ABCD3: variants seen among roughly 807,000 people sequenced by gnomAD.
The protein encoded by ABCD3 is ATP-binding cassette sub-family D member 3.
Under a neutral mutation model 105.5 loss-of-function variants are expected in ABCD3, and 41 were observed. The observed-to-expected ratio is 0.39, with a 90% CI of 0.30 to 0.50. ABCD3 has a LOEUF of 0.50. ABCD3 is among the 20% of genes least tolerant of loss of function. ABCD3 has a pLI of 0.84. For synonymous variants in ABCD3, 258 were observed against 269.0 expected, an observed-to-expected ratio of 0.96 and a Z score of 0.40; for missense variants, 622 against 806.3, an observed-to-expected ratio of 0.77 and a Z score of 2.77.
intron 20 of ABCD3, among the ~76,000 whole-genome samples, chr1:94,499,843 C>T (rs513976): frequency 0.043 from 6,614 of 152,158 alleles, 544 homozygotes; most frequent in African/African-American, 0.15. Context: ...GCTGCAGATC[C>T]GACTATATAC....
At chr1:94,406,281 C>G in the ABCD3 span, 1 of 163,998 alleles carries the variant, frequency 6.1e-6, no homozygotes, top group South Asian at 1.6e-4. Flanking sequence ...GTCGATCTGT[C>G]TATTCATGTA....
chr1:94,506,924 CATTT>C (rs892240290), intron 21 of ABCD3, among the ~76,000 whole-genome samples: 31 of 151,496 alleles, frequency 2.0e-4, no homozygotes, highest in Admixed American at 5.3e-4. Context: ...AAAGATATCT[CATTT>C]ATATATAAAT....
At position 94,451,279 on chromosome 1, in the gene ABCD3, C is replaced by T. The variant is rs187266132; in HGVS notation, c.111-7328C>T. Among the ~76,000 whole-genome samples the T allele has an allele frequency of 1.8e-3, 267 of 152,192 alleles. 1 individual carries two copies. The highest frequency in any genetic ancestry group is 6.3e-3 in the African/African-American group (260 of 41,524). On this transcript the variant is annotated intron_variant, in intron 1 of 22. Coordinates refer to ENST00000370214, the MANE Select transcript of ABCD3 (RefSeq NM_002858.4). ...TTTGTTTTCTGTAATTTCTGCTGGTCCTTGGTTATGGAGTCTAATTTCCTT... is the reference window on the plus strand; with the variant it reads ...TTTGTTTTCTGTAATTTCTGCTGGTTCTTGGTTATGGAGTCTAATTTCCTT...
Position 94,475,757 on chromosome 1 carries a change from A to T in ABCD3, c.627+20A>T, listed in dbSNP as rs1315798164. 1.9e-6 allele frequency: 3 copies of T among 1,582,418 alleles called. No homozygotes were observed. The highest frequency in any genetic ancestry group is 2.6e-6 in the Non-Finnish European group (3 of 1,153,844). On this transcript the variant is annotated intron_variant, in intron 7 of 22. Coordinates refer to ENST00000370214, the MANE Select transcript of ABCD3 (RefSeq NM_002858.4). ...AGTAAGGTAAGTTTCTCTCCTTTTT[A>T]AAAGATTATTTGTTTAATTTTTTGA...
At chr1:94,392,168 A>T in the ABCD3 span, among the ~76,000 whole-genome samples, 2 of 152,340 alleles carry the variant, frequency 1.3e-5, no homozygotes, top group South Asian at 4.1e-4. Context: ...AGCATATGAT[A>T]GAATTCTTCT....
At chr1:94,474,592 A>G (rs901016956) in intron 5 of ABCD3, among the ~76,000 whole-genome samples, 1 of 152,298 alleles carries the variant, frequency 6.6e-6, no homozygotes, top group Non-Finnish European at 1.5e-5. Context: ...GGAATAAGCA[A>G]CATAGATATC....
intron 4 of ABCD3, among the ~76,000 whole-genome samples, chr1:94,471,327 T>A: frequency 6.6e-6 from 1 of 151,660 alleles, no homozygotes; most frequent in East Asian, 1.9e-4. Flanking sequence ...GGAAGTTGAG[T>A]CAAGAGGATC....
chr1:94,429,958 C>T (rs183807608), intron 1 of ABCD3, among the ~76,000 whole-genome samples: 453 of 152,316 alleles, frequency 3.0e-3, no homozygotes, highest in African/African-American at 0.01. Flanking sequence ...AATGCCAGCC[C>T]GTGAAAGCAG....
At position 94,506,488 on chromosome 1, in the gene ABCD3, A is replaced by G. The variant is rs374141768; in HGVS notation, c.1741-50A>G. 7 of 1,093,828 alleles carry G rather than the reference A, an allele frequency of 6.4e-6. No individual in the cohort carries two copies. In the South Asian group the frequency reaches 8.7e-5, roughly 14 times the overall value. The allele number at this position is 1,093,828 out of a possible 1,614,324, so 67.8% of individuals were successfully genotyped here. On this transcript the variant is annotated intron_variant, in intron 20 of 22. Coordinates refer to ENST00000370214, the MANE Select transcript of ABCD3 (RefSeq NM_002858.4). Reference sequence around the variant, plus strand: ...TAACATAAGTTTGTTTCGGCTTACTAATTTTAGGTCTGCCTGTGTTTTACA... The same window carrying G: ...TAACATAAGTTTGTTTCGGCTTACTGATTTTAGGTCTGCCTGTGTTTTACA...
chr1:94,427,564 C>T (rs887341087), intron 1 of ABCD3, among the ~76,000 whole-genome samples: 2 of 152,158 alleles, frequency 1.3e-5, no homozygotes, highest in African/African-American at 4.8e-5. Flanking sequence ...TAATCTGTTT[C>T]AATGTAATAT....
At chr1:94,421,698 G>C (rs1267057504) in intron 1 of ABCD3, among the ~76,000 whole-genome samples, 1 of 152,040 alleles carries the variant, frequency 6.6e-6, no homozygotes, top group Non-Finnish European at 1.5e-5. Context: ...ACATGTCTTA[G>C]AAGTTTTGAG....
Position 94,498,583 on chromosome 1 carries a change from A to ATTTT in ABCD3, c.1387-7_1387-4dup. 1 of 1,447,468 alleles carries ATTTT rather than the reference A, an allele frequency of 6.9e-7. No homozygotes were observed. Among genetic ancestry groups the ATTTT allele is most frequent in the Non-Finnish European group, 9.6e-7 (1 of 1,045,844 alleles). 89.7% of individuals were successfully genotyped at this position (1,447,468 alleles called of 1,614,324 possible). On this transcript the variant is annotated intron_variant, in intron 16 of 22. Transcript: ENST00000370214. ...TTTGATTTAATTACTTCACAGACTGATTTTTTTTTTTTTTTCAGGTTCGAT... is the reference window on the plus strand; with the variant it reads ...TTTGATTTAATTACTTCACAGACTGATTTTTTTTTTTTTTTTTTTCAGGTTCGAT...
intron 13 of ABCD3, among the ~76,000 whole-genome samples, chr1:94,488,934 T>C (rs1279455617): frequency 6.6e-6 from 1 of 151,664 alleles, no homozygotes; most frequent in Non-Finnish European, 1.5e-5. Context: ...TGTTGAGGTA[T>C]GATTGACATA....
chr1:94,396,423 A>G, the ABCD3 span, among the ~76,000 whole-genome samples: 1 of 152,294 alleles, frequency 6.6e-6, no homozygotes, highest in South Asian at 2.1e-4. Flanking sequence ...CTCAGACTGC[A>G]GTTACTCTCA....
At chr1:94,475,111 C>A in intron 5 of ABCD3, 32 bp from the exon 6 acceptor site, 1 of 1,394,198 alleles carries the variant, frequency 7.2e-7, no homozygotes, top group Non-Finnish European at 1.0e-6. Flanking sequence ...AAATGAAAAG[C>A]AAAACCAATA....
chr1:94,449,415 G>A (rs368126574), intron 1 of ABCD3, among the ~76,000 whole-genome samples: 4 of 152,214 alleles, frequency 2.6e-5, no homozygotes, highest in African/African-American at 4.8e-5. Context: ...TACCATTGCC[G>A]TGAGTATTCC....
chr1:94,482,935 T>C (rs1470614966), intron 9 of ABCD3: 1 of 508,920 alleles, frequency 2.0e-6, no homozygotes, highest in Non-Finnish European at 3.6e-6. Flanking sequence ...AGGATACCTA[T>C]GCCATAGGTT....
chr1:94,475,503 A>G (rs866166552), intron 6 of ABCD3, 111 bp from the exon 7 acceptor site: 58 of 1,199,278 alleles, frequency 4.8e-5, no homozygotes, highest in Middle Eastern at 5.6e-4. Flanking sequence ...TCTGGCTCCA[A>G]ACTTTTTTGT....
chr1:94,462,100 C>T (rs987744808), intron 2 of ABCD3, among the ~76,000 whole-genome samples: 1 of 152,086 alleles, frequency 6.6e-6, no homozygotes, highest in Non-Finnish European at 1.5e-5. Flanking sequence ...TCCTTTGTTG[C>T]ATTATTACTT....
Sources: allele counts gnomAD v4.1 joint callset (sites outside exome capture counted in the v4.1 genomes callset), GRCh38; gene constraint gnomAD v4.1.1; transcripts MANE v1.5; gene names NCBI Gene and HGNC (gene_info 2026-07-23, HGNC 2026-07-21).